Variants in LRRC4C observed in about 807,000 individuals in gnomAD.
LRRC4C encodes leucine rich repeat containing 4C, also known as leucine-rich repeat-containing protein 4C.
Under a neutral mutation model 33.6 loss-of-function variants are expected in LRRC4C, and 5 were observed. The ratio of observed to expected loss-of-function variants is 0.15; its 90% confidence interval spans 0.08 to 0.31. The LOEUF (loss-of-function observed/expected upper bound fraction) is 0.31. Among genes scored for constraint, LRRC4C ranks in the 10% least tolerant of loss-of-function variants. LRRC4C has a pLI of 1.00. For missense variants in LRRC4C, 560 were observed against 796.7 expected, an observed-to-expected ratio of 0.70 and a Z score of 3.58; for synonymous variants, 329 against 302.0, an observed-to-expected ratio of 1.09 and a Z score of -0.93.
intron 3 of LRRC4C, among the ~76,000 whole-genome samples, chr11:40,518,735 C>T (rs994664018): frequency 1.1e-4 from 16 of 152,078 alleles, no homozygotes; most frequent in East Asian, 1.9e-4. Flanking sequence ...TTTGACCCAG[C>T]GATCTCATTA....
intron 1 of LRRC4C, among the ~76,000 whole-genome samples, chr11:41,088,432 T>A (rs916147981): frequency 1.4e-5 from 2 of 145,836 alleles, no homozygotes; most frequent in African/African-American, 5.0e-5. Flanking sequence ...TAGTTGTCAT[T>A]ATTATTAACC....
At chr11:40,583,660 C>A (rs1204716216) in intron 3 of LRRC4C, among the ~76,000 whole-genome samples, 1 of 152,106 alleles carries the variant, frequency 6.6e-6, no homozygotes, top group Non-Finnish European at 1.5e-5. Flanking sequence ...TGCAAATTCA[C>A]AGGGTATTCG....
chr11:40,191,825 T>G (rs1861859476), intron 5 of LRRC4C, among the ~76,000 whole-genome samples: 1 of 152,026 alleles, frequency 6.6e-6, no homozygotes, highest in South Asian at 2.1e-4. Context: ...CCAGCCATAG[T>G]GGCATGCACC....
chr11:41,329,697 T>C (rs1028343562), intron 1 of LRRC4C, among the ~76,000 whole-genome samples: 1 of 152,220 alleles, frequency 6.6e-6, no homozygotes, highest in Non-Finnish European at 1.5e-5. Flanking sequence ...TCTCATTATG[T>C]CCACTTAAAG....
rs761446734 is a variant in LRRC4C, at chr11:41,314,767, T to G, written c.-496+144664A>C. On this transcript the variant is annotated intron_variant, in intron 1 of 6. Coordinates refer to ENST00000528697, the MANE Select transcript of LRRC4C (RefSeq NM_001258419.2). Reference sequence around the variant, plus strand: ...ACCTATGTATCAAAGCTACATATTGTGCACATGTACCCTAGAACTTAAAGT... The same window carrying G: ...ACCTATGTATCAAAGCTACATATTGGGCACATGTACCCTAGAACTTAAAGT... Among the ~76,000 whole-genome samples the G allele has an allele frequency of 5.9e-5, 9 of 152,000 alleles. No individual in the cohort carries two copies. In the South Asian group the frequency reaches 8.3e-4, roughly 14 times the overall value.
At chr11:40,678,844 T>A (rs1944539140) in intron 2 of LRRC4C, among the ~76,000 whole-genome samples, 1 of 152,110 alleles carries the variant, frequency 6.6e-6, no homozygotes, top group Non-Finnish European at 1.5e-5. Context: ...AACGGGATAA[T>A]ACAGTTAATT....
intron 1 of LRRC4C, among the ~76,000 whole-genome samples, chr11:41,309,215 A>G (rs1036051643): frequency 2.6e-5 from 4 of 152,176 alleles, no homozygotes; most frequent in Non-Finnish European, 4.4e-5. Context: ...CGCAGTGACA[A>G]TGATAGTGGG....
chr11:40,227,619 C>T (rs1249544047), intron 5 of LRRC4C, among the ~76,000 whole-genome samples: 2 of 151,896 alleles, frequency 1.3e-5, no homozygotes, highest in Non-Finnish European at 2.9e-5. Flanking sequence ...GTGTCACATC[C>T]GAATGCATGA....
At chr11:40,250,242 A>G (rs1267758032) in intron 4 of LRRC4C, among the ~76,000 whole-genome samples, 1 of 151,348 alleles carries the variant, frequency 6.6e-6, no homozygotes, top group African/African-American at 2.4e-5. Context: ...AAGAAAAAGA[A>G]CACCTTGACT....
intron 3 of LRRC4C, among the ~76,000 whole-genome samples, chr11:40,370,347 A>G (rs16934757): frequency 0.021 from 3,198 of 152,270 alleles, 102 homozygotes; most frequent in African/African-American, 0.073. Flanking sequence ...ACTGCTGCAT[A>G]TGGTACAGGA....
rs566725042 is a variant in LRRC4C, at chr11:40,711,818, T to A, written c.-406-63540A>T. On this transcript the variant is annotated intron_variant, in intron 2 of 6. Transcript: ENST00000528697. ...AGAAAGAACTGGGTTTAATGCTTTTTAATTTATAAGTTGGAAACATAAATG... is the reference window on the plus strand; with the variant it reads ...AGAAAGAACTGGGTTTAATGCTTTTAAATTTATAAGTTGGAAACATAAATG... Among the ~76,000 whole-genome samples, 52 of 152,316 alleles carry A rather than the reference T, an allele frequency of 3.4e-4. 1 individual carries two copies. Among genetic ancestry groups the A allele is most frequent in the Middle Eastern group, 6.8e-3 (2 of 294 alleles).
At chr11:40,262,035 G>T (rs1941883107) in intron 4 of LRRC4C, among the ~76,000 whole-genome samples, 1 of 152,110 alleles carries the variant, frequency 6.6e-6, no homozygotes, top group Non-Finnish European at 1.5e-5. Context: ...TCATCAGCAT[G>T]AATAGGCAAC....
At chr11:41,279,722 C>T (rs1949604310) in intron 1 of LRRC4C, among the ~76,000 whole-genome samples, 1 of 152,070 alleles carries the variant, frequency 6.6e-6, no homozygotes, top group African/African-American at 2.4e-5. Flanking sequence ...AAATTTGACT[C>T]CATGCATTGA....
chr11:40,930,845 A>G (rs1216594924), intron 2 of LRRC4C, among the ~76,000 whole-genome samples: 1 of 152,222 alleles, frequency 6.6e-6, no homozygotes, highest in African/African-American at 2.4e-5. Context: ...TCCCCCAAAC[A>G]TTTCATAAAT....
intron 3 of LRRC4C, among the ~76,000 whole-genome samples, chr11:40,341,067 A>G (rs997325510): frequency 6.6e-6 from 1 of 152,196 alleles, no homozygotes; most frequent in Admixed American, 6.5e-5. Flanking sequence ...GAATCATAAC[A>G]TCAAAGGCTG....
intron 3 of LRRC4C, among the ~76,000 whole-genome samples, chr11:40,364,916 G>A (rs1948139406): frequency 6.6e-6 from 1 of 151,168 alleles, no homozygotes; most frequent in Admixed American, 6.6e-5. Context: ...AAAAATACAT[G>A]TATGTAAAAA....
At chr11:40,281,526 A>G (rs1943475764) in intron 4 of LRRC4C, among the ~76,000 whole-genome samples, 2 of 152,190 alleles carry the variant, frequency 1.3e-5, no homozygotes, top group Non-Finnish European at 2.9e-5. Context: ...CTGTAAAATC[A>G]TTCAGGAGAG....
At chr11:40,592,693 C>A (rs1959111953) in intron 3 of LRRC4C, among the ~76,000 whole-genome samples, 1 of 152,136 alleles carries the variant, frequency 6.6e-6, no homozygotes, top group South Asian at 2.1e-4. Context: ...TAACTTTTAG[C>A]CAGACAATCT....
chr11:40,344,831 A>C (rs1947048493), intron 3 of LRRC4C, among the ~76,000 whole-genome samples: 1 of 152,178 alleles, frequency 6.6e-6, no homozygotes, highest in Non-Finnish European at 1.5e-5. Flanking sequence ...TCAATGTAAA[A>C]AATCAGTAGT....
Sources: gnomAD v4.1 joint callset for allele counts (sites outside exome capture counted in the v4.1 genomes callset) on GRCh38, gnomAD v4.1.1 for gene constraint, MANE v1.5 for transcripts, NCBI Gene and HGNC (gene_info 2026-07-23, HGNC 2026-07-21) for gene names.